Variants in CPS1 observed in about 807,000 individuals in gnomAD.
The protein encoded by CPS1 is carbamoyl-phosphate synthase 1.
CPS1 carries 109 observed loss-of-function variants against 174.6 expected under a neutral mutation model. That is an observed-to-expected ratio of 0.62 (90% CI 0.53 to 0.73). The LOEUF is 0.73. Among genes scored for constraint, CPS1 ranks in the 30% least tolerant of loss-of-function variants. CPS1 has a pLI of 0.00. For missense variants in CPS1, 1,689 were observed against 1,821.9 expected (o/e 0.93, Z 1.33); for synonymous variants, 637 against 632.0 (o/e 1.01, Z -0.12).
At chr2:210,547,879 C>G (rs757393965) in intron 1 of CPS1, among the ~76,000 whole-genome samples, 3 of 151,838 alleles carry the variant, frequency 2.0e-5, no homozygotes, top group African/African-American at 7.3e-5. Flanking sequence ...TATAACTGGG[C>G]CTTCATATTC....
At chr2:210,668,342 C>T (rs1198730698) in intron 34 of CPS1, 58 bp downstream of exon 34, 2 of 1,185,514 alleles carry the variant, frequency 1.7e-6, no homozygotes, top group South Asian at 1.2e-5. Context: ...TGGGGAGGGG[C>T]AGGATAGAAT....
intron 1 of CPS1, among the ~76,000 whole-genome samples, chr2:210,495,919 C>T (rs930473343): frequency 1.3e-5 from 2 of 151,300 alleles, no homozygotes; most frequent in Non-Finnish European, 2.9e-5. Context: ...GGTCTCCTTA[C>T]CTCCCTCTTT....
At chr2:210,622,102 T>A (rs902159376) in intron 21 of CPS1, among the ~76,000 whole-genome samples, 9 of 151,676 alleles carry the variant, frequency 5.9e-5, no homozygotes, top group African/African-American at 2.2e-4. Flanking sequence ...GATATATAAT[T>A]ATATTCTTAT....
intron 9 of CPS1, 76 bp downstream of exon 9, chr2:210,590,982 A>T: frequency 2.0e-6 from 2 of 1,015,178 alleles, no homozygotes; most frequent in Non-Finnish European, 3.0e-6. Flanking sequence ...CAGAGCACTT[A>T]CCTGCCATTT....
intron 1 of CPS1, among the ~76,000 whole-genome samples, chr2:210,519,252 C>A (rs1695758653): frequency 6.6e-6 from 1 of 151,954 alleles, no homozygotes; most frequent in African/African-American, 2.4e-5. Context: ...AAGGTGTAAT[C>A]CCACTTTCTG....
At chr2:210,654,518 G>A (rs1019312179) in intron 29 of CPS1, among the ~76,000 whole-genome samples, 2 of 151,718 alleles carry the variant, frequency 1.3e-5, no homozygotes, top group Non-Finnish European at 2.9e-5. Flanking sequence ...CTTTTTATTG[G>A]GTTAATAAAG....
At chr2:210,605,515 C>T (rs1212855543) in intron 17 of CPS1, among the ~76,000 whole-genome samples, 1 of 151,742 alleles carries the variant, frequency 6.6e-6, no homozygotes, top group East Asian at 2.0e-4. Context: ...AAATAAGATC[C>T]ATAAAACTTA....
At chr2:210,599,282 G>C in intron 13 of CPS1, 90 bp from the exon 14 acceptor site, 1 of 1,219,814 alleles carries the variant, frequency 8.2e-7, no homozygotes, top group Non-Finnish European at 1.2e-6. Flanking sequence ...TAACCTAAAA[G>C]CTTAGTTACC....
intron 14 of CPS1, 85 bp downstream of exon 14, chr2:210,599,646 G>A: frequency 6.9e-7 from 1 of 1,449,150 alleles, no homozygotes. Flanking sequence ...TAACAATTGT[G>A]CTTTGTGTGT....
intron 5 of CPS1, among the ~76,000 whole-genome samples, chr2:210,582,280 G>A (rs936441882): frequency 7.3e-5 from 11 of 151,640 alleles, no homozygotes; most frequent in African/African-American, 2.7e-4. Context: ...ATGTCTTTAG[G>A]TCATATACGC....
chr2:210,639,474 CG>C (rs1559121487), intron 23 of CPS1, among the ~76,000 whole-genome samples: 1 of 150,338 alleles, frequency 6.7e-6, no homozygotes, highest in Non-Finnish European at 1.5e-5. Flanking sequence ...TAGCCGGGCG[CG>C]GTGGCGGGCG....
chr2:210,651,849 A>AT lies in CPS1; in HGVS notation c.3480+1412dup, dbSNP rs1369969847. ...TATTCATTTATTTATAGCACCTGTT[A>AT]TATGGTGGCATTGTTCTCAGTATCA... is the stretch of plus-strand genomic sequence containing the variant. On this transcript the variant is annotated intron_variant, in intron 28 of 37. Transcript: ENST00000233072. Among the ~76,000 whole-genome samples the AT allele has an allele frequency of 2.6e-5, 4 of 152,322 alleles. No individual in the cohort carries two copies. In the East Asian group the frequency reaches 7.7e-4, roughly 29 times the overall value.
chr2:210,479,665 G>T lies in CPS1; in HGVS notation c.3+1899G>T, dbSNP rs563198262. ...AGTTAGGACTTCAACGTATGAATTTGGGGGGCAACAATTTTAGCCCCAAAT... is the reference window on the plus strand; with the variant it reads ...AGTTAGGACTTCAACGTATGAATTTTGGGGGCAACAATTTTAGCCCCAAAT... On this transcript the variant is annotated intron_variant, in intron 1 of 38. Transcript: ENST00000430249. 3.3e-5 allele frequency among the ~76,000 whole-genome samples: 5 copies of T among 152,156 alleles called. No homozygotes were observed. In the South Asian group the frequency reaches 1.0e-3, roughly 32 times the overall value.
At position 210,668,260 on chromosome 2, in the gene CPS1, G is replaced by A; in HGVS notation, c.4077G>A (p.Gln1359=). 6 of 1,613,776 alleles carry A rather than the reference G, an allele frequency of 3.7e-6. No individual in the cohort carries two copies. The highest frequency in any genetic ancestry group is 4.2e-6 in the Non-Finnish European group (5 of 1,179,738). ...TTTCCACAGGATTTAAGATACCCCA[G>A]AAAGGCATCCTGATAGGCATCCAGG... ...AMLSTGFKIP[Q]KGILIGIQQS... The change falls in exon 34 of 38, where the codon CAG becomes CAA. Residue 1359 remains glutamine (Q), a synonymous_variant. Transcript: ENST00000233072.
At chr2:210,506,098 G>T (rs775595005) in intron 1 of CPS1, among the ~76,000 whole-genome samples, 1 of 152,078 alleles carries the variant, frequency 6.6e-6, no homozygotes, top group African/African-American at 2.4e-5. Flanking sequence ...TCAAGTGGGT[G>T]CTGACCCCCG....
intron 10 of CPS1, 75 bp from the exon 11 acceptor site, chr2:210,592,804 T>A (rs951200996): frequency 7.1e-7 from 1 of 1,403,338 alleles, no homozygotes; most frequent in African/African-American, 1.4e-5. Flanking sequence ...GCTTTATTGT[T>A]CCCTGAATAA....
At chr2:210,620,422 G>GCAGGGT (rs1699471258) in intron 21 of CPS1, among the ~76,000 whole-genome samples, 1 of 152,042 alleles carries the variant, frequency 6.6e-6, no homozygotes, top group Non-Finnish European at 1.5e-5. Flanking sequence ...TCATCTTTCT[G>GCAGGGT]CAGGGTGATG....
intron 28 of CPS1, 29 bp from the exon 29 acceptor site, chr2:210,653,996 T>G (rs1700633230): frequency 4.4e-6 from 7 of 1,585,844 alleles, no homozygotes; most frequent in African/African-American, 2.7e-5. Context: ...TAGCTAAATG[T>G]TCGGCTCCTC....
chr2:210,656,040 T>A (rs1700694311), intron 29 of CPS1, among the ~76,000 whole-genome samples: 1 of 152,222 alleles, frequency 6.6e-6, no homozygotes, highest in Admixed American at 6.5e-5. Context: ...ATATTTTTCC[T>A]TTCGACTCCT....
Sources: allele counts gnomAD v4.1 joint callset (sites outside exome capture counted in the v4.1 genomes callset), GRCh38; gene constraint gnomAD v4.1.1; transcripts MANE v1.5; gene names NCBI Gene and HGNC (gene_info 2026-07-23, HGNC 2026-07-21).